The following VPS26A variants were observed in gnomAD, a reference collection of about 807,000 sequenced individuals.
VPS26A encodes the protein vacuolar protein sorting-associated protein 26A.
VPS26A carries 22 observed loss-of-function variants against 42.4 expected under a neutral mutation model. The ratio of observed to expected loss-of-function variants is 0.52; its 90% CI spans 0.37 to 0.74. VPS26A has a LOEUF of 0.74. VPS26A is among the 30% of genes least tolerant of loss of function. The probability of loss-of-function intolerance (pLI) is 0.00; values close to 1 mark genes in which losing one functional copy is unlikely to be tolerated. For missense variants in VPS26A, 276 were observed against 379.2 expected, an observed-to-expected ratio of 0.73 and a Z score of 2.26; for synonymous variants, 110 against 123.5, an observed-to-expected ratio of 0.89 and a Z score of 0.73.
At chr10:69,143,820 G>A (rs1026987305) in intron 2 of VPS26A, among the ~76,000 whole-genome samples, 3 of 152,028 alleles carry the variant, frequency 2.0e-5, no homozygotes, top group Non-Finnish European at 4.4e-5. Flanking sequence ...AAGCTCAGGC[G>A]ATCCTCTCAC....
Position 69,161,525 on chromosome 10 carries a change from TTTTA to T in VPS26A, c.552-874_552-871del, listed in dbSNP as rs1437875859. The T allele has an allele frequency of 1.5e-5, 3 of 193,634 alleles. No individual in the cohort carries two copies. In the East Asian group the frequency reaches 3.6e-4, roughly 23 times the overall value. The allele number at this position is 193,634 out of a possible 1,614,324, so 12.0% of individuals were successfully genotyped here. ...GGTTTTTGTTTTTGGTGAGCCAAAG[TTTTA>T]TTTATTCATTTGAAGTATTCTCTGA... On this transcript the variant is annotated intron_variant, in intron 5 of 8. Coordinates refer to ENST00000263559, the MANE Select transcript of VPS26A (RefSeq NM_004896.5).
chr10:69,164,390 T>A (rs1841639121), intron 6 of VPS26A, among the ~76,000 whole-genome samples: 2 of 152,114 alleles, frequency 1.3e-5, no homozygotes, highest in African/African-American at 2.4e-5. Context: ...GCTAATTTTT[T>A]ATTTTTTTGT....
chr10:69,126,747 T>C (rs2132178549), intron 1 of VPS26A, among the ~76,000 whole-genome samples: 1 of 152,344 alleles, frequency 6.6e-6, no homozygotes, highest in East Asian at 1.9e-4. Flanking sequence ...AAAAAGAATT[T>C]AATTTCATTA....
intron 2 of VPS26A, among the ~76,000 whole-genome samples, chr10:69,142,931 G>C (rs1248665762): frequency 1.3e-5 from 2 of 152,140 alleles, no homozygotes; most frequent in African/African-American, 4.8e-5. Flanking sequence ...TCTCTGCTAG[G>C]AGTCCTTTAG....
chr10:69,135,996 C>T (rs1840899956), intron 2 of VPS26A, among the ~76,000 whole-genome samples: 1 of 152,040 alleles, frequency 6.6e-6, no homozygotes. Flanking sequence ...AAATTTGGTA[C>T]GGTTTTTAAA....
chr10:69,157,459 A>T (rs1841457992), intron 4 of VPS26A, among the ~76,000 whole-genome samples: 1 of 152,204 alleles, frequency 6.6e-6, no homozygotes, highest in African/African-American at 2.4e-5. Context: ...CTAGTTTCCC[A>T]GAAAATCTCC....
At chr10:69,127,093 ATTTTTTTTTTT>A (rs71035057) in intron 1 of VPS26A, among the ~76,000 whole-genome samples, 6 of 97,534 alleles carry the variant, frequency 6.2e-5, no homozygotes, top group African/African-American at 1.6e-4. Context: ...CACCCGGCCA[ATTTTTTTTTTT>A]TTTTTTTTTT....
chr10:69,144,125 T>G (rs1841103354), intron 2 of VPS26A, among the ~76,000 whole-genome samples: 1 of 152,206 alleles, frequency 6.6e-6, no homozygotes, highest in African/African-American at 2.4e-5. Context: ...TTCTAGATTT[T>G]CAGAAAAATT....
intron 2 of VPS26A, among the ~76,000 whole-genome samples, chr10:69,139,413 C>T (rs896243020): frequency 5.9e-5 from 9 of 152,148 alleles, no homozygotes; most frequent in Non-Finnish European, 1.0e-4. Context: ...AAGCGATTCT[C>T]CTGCCTCAGC....
intron 2 of VPS26A, among the ~76,000 whole-genome samples, chr10:69,154,385 A>G (rs1305469783): frequency 6.6e-6 from 1 of 151,764 alleles, no homozygotes; most frequent in Non-Finnish European, 1.5e-5. Context: ...AAAAATACAA[A>G]ATTAGCTGGG....
chr10:69,161,270 A>T (rs1841556395), intron 5 of VPS26A, among the ~76,000 whole-genome samples: 1 of 152,128 alleles, frequency 6.6e-6, no homozygotes, highest in Non-Finnish European at 1.5e-5. Context: ...TATGTTGCCT[A>T]GGCTGGTCTT....
chr10:69,146,950 T>TTGC (rs1841172751), intron 2 of VPS26A, among the ~76,000 whole-genome samples: 1 of 152,230 alleles, frequency 6.6e-6, no homozygotes, highest in African/African-American at 2.4e-5. Flanking sequence ...AGCAGTAGAA[T>TTGC]TGCTGGGTCA....
chr10:69,168,474 T>G lies in VPS26A; in HGVS notation c.728-15T>G. On this transcript the variant is annotated splice_polypyrimidine_tract_variant and intron_variant, in intron 7 of 8. Transcript: ENST00000263559. ...AATCATCTTTAGAATTAAGTAGAAA[T>G]TCCTTTTCTTTCAGGTGAATCAATT... 1 of 1,608,394 alleles carries G rather than the reference T, an allele frequency of 6.2e-7. No individual in the cohort carries two copies. Among genetic ancestry groups the G allele is most frequent in the Non-Finnish European group, 8.5e-7 (1 of 1,178,072 alleles).
chr10:69,168,071 TAAAC>T (rs968773647), intron 7 of VPS26A, among the ~76,000 whole-genome samples: 3 of 152,184 alleles, frequency 2.0e-5, no homozygotes, highest in African/African-American at 7.2e-5. Context: ...ATGAAGAACT[TAAAC>T]AATGAGTAAG....
intron 3 of VPS26A, 60 bp downstream of exon 3, chr10:69,155,947 ATT>A (rs2132225432): frequency 7.5e-7 from 1 of 1,327,056 alleles, no homozygotes; most frequent in South Asian, 1.3e-5. Flanking sequence ...AGAGGGTTGG[ATT>A]TTGCACCAAA....
intron 1 of VPS26A, among the ~76,000 whole-genome samples, chr10:69,131,758 T>C (rs977862094): frequency 1.3e-5 from 2 of 152,276 alleles, no homozygotes; most frequent in African/African-American, 4.8e-5. Flanking sequence ...CTGGTTGTTA[T>C]GTAGGACAGA....
In VPS26A at chr10:69,169,610, T is replaced by C. The variant is rs1399685924; in HGVS notation, c.870+979T>C. On this transcript the variant is annotated intron_variant, in intron 8 of 8. Transcript: ENST00000263559. Reference sequence around the variant, plus strand: ...CCATGCCCAGCCTCTAATCCTTTTTTTTTAAGTTTTTTTTTTGAGACAGAG... The same window carrying C: ...CCATGCCCAGCCTCTAATCCTTTTTCTTTAAGTTTTTTTTTTGAGACAGAG... Among the ~76,000 whole-genome samples the C allele has an allele frequency of 2.6e-5, 4 of 151,086 alleles. No individual in the cohort carries two copies. In the East Asian group the frequency reaches 7.8e-4, roughly 29 times the overall value.
intron 2 of VPS26A, among the ~76,000 whole-genome samples, chr10:69,137,485 GT>G (rs1272050853): frequency 6.6e-6 from 1 of 152,152 alleles, no homozygotes; most frequent in Non-Finnish European, 1.5e-5. Context: ...GCAGTAGGCT[GT>G]CTGTTCCTAT....
chr10:69,141,089 A>G (rs987082499), intron 2 of VPS26A, among the ~76,000 whole-genome samples: 3 of 152,082 alleles, frequency 2.0e-5, no homozygotes, highest in African/African-American at 7.2e-5. Context: ...ATCTGGGGAG[A>G]TTCAAAGACT....
Sources: allele counts gnomAD v4.1 joint callset (sites outside exome capture counted in the v4.1 genomes callset), GRCh38; gene constraint gnomAD v4.1.1; transcripts MANE v1.5; gene names NCBI Gene and HGNC (gene_info 2026-07-23, HGNC 2026-07-21).